COPZ2: variants seen among roughly 807,000 people sequenced by gnomAD.
COPZ2 encodes the protein coatomer subunit zeta-2.
Under a neutral mutation model 33.2 loss-of-function variants are expected in COPZ2, and 30 were observed. The ratio of observed to expected loss-of-function variants is 0.90; its 90% confidence interval spans 0.68 to 1.23. The LOEUF (loss-of-function observed/expected upper bound fraction) is 1.23. Among genes scored for constraint, COPZ2 ranks in the 50% most tolerant of loss-of-function variants. The probability of loss-of-function intolerance (pLI) is 0.00; values close to 1 mark genes in which losing one functional copy is unlikely to be tolerated. For missense variants in COPZ2, 263 were observed against 262.4 expected, an observed-to-expected ratio of 1.00 and a Z score of -0.02; for synonymous variants, 89 against 102.6, an observed-to-expected ratio of 0.87 and a Z score of 0.80.
In COPZ2 at chr17:48,026,173, G is replaced by A; in HGVS notation, c.*255C>T. On this transcript the variant is annotated 3_prime_UTR_variant, in exon 9 of 9. Transcript: ENST00000621465. ...CCAAGAGAGAAGGAGACCCTTGGCA[G>A]AAGACAAAAGCAGGTTTATTAGGGC... 2.0e-6 allele frequency: 1 copy of A among 509,446 alleles called. No individual in the cohort carries two copies. The highest frequency in any genetic ancestry group is 3.5e-6 in the Non-Finnish European group (1 of 288,218). The allele number at this position is 509,446 out of a possible 1,614,324, so 31.6% of individuals were successfully genotyped here. A position where few individuals can be genotyped will look rare whatever the true frequency, so the allele number is the denominator to read the frequency against.
At chr17:48,045,795 G>A in the COPZ2 span, 2 of 151,956 alleles carry the variant, frequency 1.3e-5, no homozygotes, top group Non-Finnish European at 1.5e-5. Flanking sequence ...TTTGCTTCTT[G>A]GGTAACTGTC....
intron 6 of COPZ2, chr17:48,029,541 A>G: frequency 3.2e-6 from 1 of 315,838 alleles, no homozygotes; most frequent in South Asian, 4.3e-5. Context: ...CCCTGTGAAA[A>G]GAGTTAGGAA....
intron 3 of COPZ2, 139 bp from the exon 4 acceptor site, chr17:48,033,441 C>T (rs1428266404): frequency 3.1e-6 from 2 of 643,216 alleles, no homozygotes; most frequent in Admixed American, 2.3e-5. Flanking sequence ...GCACTAGGGA[C>T]ACTACCATCA....
At chr17:48,044,265 T>C in the COPZ2 span, among the ~76,000 whole-genome samples, 2 of 152,038 alleles carry the variant, frequency 1.3e-5, no homozygotes, top group African/African-American at 4.8e-5. Flanking sequence ...GAGAATCGCT[T>C]GAACTGGGGA....
At chr17:48,032,961 T>C (rs1430608615) in intron 4 of COPZ2, 1 of 596,322 alleles carries the variant, frequency 1.7e-6, no homozygotes, top group African/African-American at 1.9e-5. Context: ...TCTAGTTATG[T>C]TTAAGAAGGA....
upstream of COPZ2, among the ~76,000 whole-genome samples, chr17:48,040,134 CCACACA>C (rs777014568): frequency 2.5e-5 from 3 of 121,522 alleles, no homozygotes; most frequent in Non-Finnish European, 3.5e-5. Context: ...ACCCACCCAC[CCACACA>C]CACACACACA....
At chr17:48,040,680 C>T (rs1273097884), upstream of COPZ2, among the ~76,000 whole-genome samples, 1 of 151,766 alleles carries the variant, frequency 6.6e-6, no homozygotes, top group South Asian at 2.1e-4. Context: ...ATCTGCTTGC[C>T]TCGGCCTCCC....
intron 1 of COPZ2, 49 bp from the exon 2 acceptor site, chr17:48,036,974 A>C: frequency 6.6e-7 from 1 of 1,508,312 alleles, no homozygotes; most frequent in South Asian, 1.1e-5. Flanking sequence ...CGAGGTGGAC[A>C]CCCTGTGTCT....
intron 2 of COPZ2, 58 bp from the exon 3 acceptor site, chr17:48,034,002 A>T (rs2144307382): frequency 7.9e-7 from 1 of 1,270,160 alleles, no homozygotes; most frequent in Non-Finnish European, 1.1e-6. Context: ...GATCCTCCCT[A>T]GATTGGGGGG....
the COPZ2 span, chr17:48,045,525 G>A: frequency 6.6e-6 from 1 of 152,106 alleles, no homozygotes; most frequent in Admixed American, 6.6e-5. Context: ...TCCTGGGGTG[G>A]GGGTGGGGAT....
At chr17:48,041,515 G>T (rs186614286), upstream of COPZ2, among the ~76,000 whole-genome samples, 1 of 152,288 alleles carries the variant, frequency 6.6e-6, no homozygotes, top group East Asian at 1.9e-4. Context: ...AGAGCTAAAG[G>T]AAAGGAGGAA....
upstream of COPZ2, among the ~76,000 whole-genome samples, chr17:48,040,961 C>A (rs975176317): frequency 1.3e-5 from 2 of 151,516 alleles, no homozygotes; most frequent in Non-Finnish European, 2.9e-5. Flanking sequence ...ACCAGCCTGG[C>A]CAACATGGTG....
rs969457802 is a variant in COPZ2 at position 48,037,205 on chromosome 17, G to C, written c.112-280C>G. 1 of 673,812 alleles carries C rather than the reference G, an allele frequency of 1.5e-6. No homozygotes were observed. The highest frequency in any genetic ancestry group is 3.0e-5 in the East Asian group (1 of 33,302). 41.7% of individuals were successfully genotyped at this position (673,812 alleles called of 1,614,324 possible). ...TCTGTCATGCACTGACTGCTCCAGA[G>C]CCCGAGTCGGAGTGTATCACAGAAC... On this transcript the variant is annotated intron_variant, in intron 1 of 8. Coordinates refer to ENST00000621465, the MANE Select transcript of COPZ2 (RefSeq NM_016429.4). The surrounding 1 kb of genome is among the most constrained non-coding windows in gnomAD (Gnocchi z 5.6).
chr17:48,044,754 A>G, the COPZ2 span, among the ~76,000 whole-genome samples: 18 of 152,146 alleles, frequency 1.2e-4, no homozygotes, highest in Admixed American at 5.9e-4. Context: ...AGAGAGGGCC[A>G]TATGTCCGGA....
chr17:48,047,785 A>G, the COPZ2 span: 1 of 152,194 alleles, frequency 6.6e-6, no homozygotes, highest in Admixed American at 6.5e-5. Context: ...ACCGAGGGGA[A>G]GTTGGGGTAC....
chr17:48,045,917 G>A, the COPZ2 span: 1 of 152,196 alleles, frequency 6.6e-6, no homozygotes, highest in Admixed American at 6.5e-5. Context: ...TAATCAGCAG[G>A]TTCTGGGAAA....
intron 8 of COPZ2, 97 bp from the exon 9 acceptor site, chr17:48,026,572 C>A: frequency 3.6e-6 from 3 of 835,112 alleles, no homozygotes; most frequent in Admixed American, 2.1e-5. Flanking sequence ...GCCGAAGCGC[C>A]CCTGCAACCA....
intron 6 of COPZ2, chr17:48,029,512 C>A: frequency 2.5e-6 from 1 of 406,898 alleles, no homozygotes; most frequent in Non-Finnish European, 4.4e-6. Flanking sequence ...ACTTCACTTT[C>A]TGGGTATAGG....
At chr17:48,041,808 ATTT>A (rs34673033), upstream of COPZ2, among the ~76,000 whole-genome samples, 15,168 of 141,926 alleles carry the variant, frequency 0.11, 966 homozygotes, top group African/African-American at 0.18. Context: ...GAGCTAGTCC[ATTT>A]TTTTTTTTTT....
Sources: allele counts gnomAD v4.1 joint callset (sites outside exome capture counted in the v4.1 genomes callset), GRCh38; gene constraint gnomAD v4.1.1; non-coding constraint Gnocchi (gnomAD v3.1); transcripts MANE v1.5; gene names NCBI Gene and HGNC (gene_info 2026-07-23, HGNC 2026-07-21).